The following STX19 variants were observed in gnomAD, a reference collection of about 807,000 sequenced individuals.
The protein encoded by STX19 is syntaxin-19.
Under a neutral mutation model 24.3 loss-of-function variants are expected in STX19, and 26 were observed. That is an observed-to-expected ratio of 1.07 (90% CI 0.78 to 1.48). The LOEUF (loss-of-function observed/expected upper bound fraction) is 1.48. Among genes scored for constraint, STX19 ranks in the 40% most tolerant of loss-of-function variants. The probability of loss-of-function intolerance (pLI) is 0.00; values close to 1 mark genes in which losing one functional copy is unlikely to be tolerated. For synonymous variants in STX19, 116 were observed against 106.9 expected (o/e 1.09, Z -0.52); for missense variants, 367 against 331.9 (o/e 1.11, Z -0.82).
chr3:94,015,177 T>G lies in STX19; in HGVS notation c.93A>C (p.Gln31His). The G allele has an allele frequency of 6.2e-7, 1 of 1,613,840 alleles. No individual in the cohort carries two copies. The highest frequency in any genetic ancestry group is 8.5e-7 in the Non-Finnish European group (1 of 1,179,884). Residue 31 changes from glutamine to histidine, a missense_variant, in exon 2 of 2, where the codon CAA becomes CAC. Coordinates refer to ENST00000315099, the MANE Select transcript of STX19 (RefSeq NM_001001850.3). ...SHVSTTETEE[Q>H]GVFLQQAVIY... ...TAACAGCTTGCTGTAGAAACACCCC[T>G]TGTTCCTCTGTTTCTGTAGTTGATA...
At position 94,014,626 on chromosome 3, in the gene STX19, C is replaced by T; in HGVS notation, c.644G>A (p.Arg215Lys). Residue 215 changes from arginine (R) to lysine (K), a missense_variant, in exon 2 of 2, where the codon AGA becomes AAA. Coordinates refer to ENST00000315099, the MANE Select transcript of STX19 (RefSeq NM_001001850.3). ...TKAQLSEIEQ[R>K]HKELVNLENQ... ...CTCCAAATTAACAAGTTCCTTGTGT[C>T]TCTGTTCAATCTCTGAAAGTTGTGC... 1 of 1,613,488 alleles carries T rather than the reference C, an allele frequency of 6.2e-7. No homozygotes were observed. Among genetic ancestry groups the T allele is most frequent in the Non-Finnish European group, 8.5e-7 (1 of 1,179,932 alleles).
rs199753624 is a variant in STX19 at position 94,014,846 on chromosome 3, G to A, written c.424C>T (p.Arg142Cys). The A allele has an allele frequency of 1.2e-4, 201 of 1,613,880 alleles. No homozygotes were observed. The highest frequency in any genetic ancestry group is 4.5e-5 in the Non-Finnish European group (53 of 1,179,972). Reference protein sequence around the residue: ...ILKSQHAAMFRHFQQIMFIYN... With the variant: ...ILKSQHAAMFCHFQQIMFIYN... ...ATAAACATGATTTGCTGAAAATGGC[G>A]GAACATTGCAGCATGCTGAGATTTA... is the stretch of plus-strand genomic sequence containing the variant. The change falls in exon 2 of 2, where the codon CGC becomes TGC. Residue 142 changes from arginine to cysteine, a missense_variant. Transcript: ENST00000315099.
chr3:94,018,805 C>T (rs1318835239), intron 1 of STX19, among the ~76,000 whole-genome samples: 1 of 152,060 alleles, frequency 6.6e-6, no homozygotes, highest in Non-Finnish European at 1.5e-5. Flanking sequence ...TCACTCTGTC[C>T]CCTAGGCCGG....
At chr3:94,024,698 C>G (rs2107030505) in intron 1 of STX19, among the ~76,000 whole-genome samples, 1 of 152,184 alleles carries the variant, frequency 6.6e-6, no homozygotes, top group South Asian at 2.1e-4. Context: ...TGATCCTTCT[C>G]CCTCAGCCTC....
In STX19 at chr3:94,014,387, A is replaced by G; in HGVS notation, c.883T>C (p.Ter295GlnextTer?). The stretch of plus-strand genomic sequence containing the variant: ...GAAAAAGTTTTAAAATAGCTTCTTT[A>G]TTTTGAGCTACAGCATGGACAGCAC... ...CWCCPCCSSK* is the reference protein window; with the variant it reads ...CWCCPCCSSKQ Residue 295 changes from the stop codon to glutamine, a stop_lost, in exon 2 of 2, where the codon TAA (stop) becomes CAA (glutamine). Transcript: ENST00000315099. 8 of 1,518,908 alleles carry G rather than the reference A, an allele frequency of 5.3e-6. No individual in the cohort carries two copies. Among genetic ancestry groups the G allele is most frequent in the Non-Finnish European group, 7.0e-6 (8 of 1,141,134 alleles). 94.1% of individuals were successfully genotyped at this position (1,518,908 alleles called of 1,614,324 possible).
intron 1 of STX19, among the ~76,000 whole-genome samples, chr3:94,024,620 C>G (rs2076517944): frequency 6.6e-6 from 1 of 152,154 alleles, no homozygotes. Context: ...GGATCTCACT[C>G]TATCACCCAG....
intron 1 of STX19, among the ~76,000 whole-genome samples, chr3:94,023,473 T>C (rs944635715): frequency 6.6e-6 from 1 of 152,158 alleles, no homozygotes; most frequent in African/African-American, 2.4e-5. Context: ...TAGAAACTCA[T>C]GTATTTACGG....
intron 1 of STX19, among the ~76,000 whole-genome samples, chr3:94,016,891 C>T (rs1180811148): frequency 6.6e-6 from 1 of 152,142 alleles, no homozygotes; most frequent in Non-Finnish European, 1.5e-5. Flanking sequence ...GTGATCCGCC[C>T]ACCTTGGCCT....
At chr3:94,024,402 A>G (rs1231284161) in intron 1 of STX19, among the ~76,000 whole-genome samples, 1 of 152,248 alleles carries the variant, frequency 6.6e-6, no homozygotes, top group African/African-American at 2.4e-5. Flanking sequence ...TTTTCTATCC[A>G]TAAAAATTAA....
At chr3:94,015,324 G>A (rs1051128082) in intron 1 of STX19, 42 bp from the exon 2 acceptor site, 3 of 1,452,724 alleles carry the variant, frequency 2.1e-6, no homozygotes, top group Middle Eastern at 1.8e-4. Flanking sequence ...TAGAAATTTG[G>A]TATTTTTCCC....
At chr3:94,015,535 A>G (rs1182409061) in intron 1 of STX19, among the ~76,000 whole-genome samples, 2 of 152,206 alleles carry the variant, frequency 1.3e-5, no homozygotes, top group Non-Finnish European at 2.9e-5. Flanking sequence ...GAAAGCAGTG[A>G]TGCAGACACA....
At chr3:94,027,049 ATACT>A (rs2076572387) in intron 1 of STX19, among the ~76,000 whole-genome samples, 1 of 152,134 alleles carries the variant, frequency 6.6e-6, no homozygotes, top group South Asian at 2.1e-4. Context: ...CCTGGGATAG[ATACT>A]TAGTGTATTT....
chr3:94,021,928 C>G (rs2076456709), intron 1 of STX19, among the ~76,000 whole-genome samples: 2 of 151,910 alleles, frequency 1.3e-5, no homozygotes, highest in South Asian at 4.2e-4. Flanking sequence ...CACAGGTTAA[C>G]AAGTCAAGTC....
chr3:94,014,661 A>G lies in STX19; in HGVS notation c.609T>C (p.Asn203=), dbSNP rs1359931361. Residue 203 remains asparagine (N), a synonymous_variant, in exon 2 of 2, where the codon AAT becomes AAC. Coordinates refer to ENST00000315099, the MANE Select transcript of STX19 (RefSeq NM_001001850.3). The stretch of plus-strand genomic sequence containing the variant: ...TCTCTGAAAGTTGTGCTTTAGTGAT[A>G]TTGATTTCTGTAAGTAAGCTTTCAT... The part of the protein sequence containing the change: ...VFNESLLTEI[N]ITKAQLSEIE... The G allele has an allele frequency of 2.5e-6, 4 of 1,613,618 alleles. No homozygotes were observed. In the East Asian group the frequency reaches 8.9e-5, roughly 36 times the overall value.
chr3:94,027,455 G>A (rs1053008381), intron 1 of STX19, among the ~76,000 whole-genome samples: 9 of 151,874 alleles, frequency 5.9e-5, no homozygotes, highest in African/African-American at 1.9e-4. Flanking sequence ...GTTTAAATAT[G>A]ATGTATAATT....
intron 1 of STX19, among the ~76,000 whole-genome samples, 168 bp downstream of exon 1, chr3:94,028,199 A>T (rs1167633052): frequency 6.6e-6 from 1 of 152,156 alleles, no homozygotes; most frequent in Non-Finnish European, 1.5e-5. Context: ...CCCAGTCAGC[A>T]TGTCAGTAAT....
intron 1 of STX19, among the ~76,000 whole-genome samples, chr3:94,015,845 C>T (rs537945527): frequency 7.4e-4 from 113 of 152,206 alleles, no homozygotes; most frequent in African/African-American, 2.7e-3. Context: ...TATTACTTGG[C>T]ATAATGTTTT....
In STX19 at chr3:94,014,909, CCT is replaced by C; in HGVS notation, c.359_360del (p.Glu120GlyfsTer2). The C allele has an allele frequency of 6.2e-7, 1 of 1,613,386 alleles. No homozygotes were observed. The highest frequency in any genetic ancestry group is 8.5e-7 in the Non-Finnish European group (1 of 1,179,816). The part of the protein sequence containing the change: ...NDLVKEVKKS[E>X]VENGPSSVVT... The stretch of plus-strand genomic sequence containing the variant: ...ACCACTGAAGATGGACCATTTTCAA[CCT>C]CTGACTTTTTAACTTCTTTAACTAA... On this transcript the variant is annotated frameshift_variant, in exon 2 of 2. Coordinates refer to ENST00000315099, the MANE Select transcript of STX19 (RefSeq NM_001001850.3). LOFTEE classifies it high-confidence loss of function.
rs1194651744 is a variant in STX19 at position 94,028,404 on chromosome 3, G to T, written c.-51C>A. The T allele has an allele frequency of 6.6e-6, 1 of 152,128 alleles. No individual in the cohort carries two copies. The highest frequency in any genetic ancestry group is 1.5e-5 in the Non-Finnish European group (1 of 68,016). The allele number at this position is 152,128 out of a possible 1,614,324, so 9.4% of individuals were successfully genotyped here. ...TTCCTTTTGTTGGTTTTCCACCTGC[G>T]GTGTTGGAGTCCTGCCTTTGAGAGA... On this transcript the variant is annotated 5_prime_UTR_variant, in exon 1 of 2. Coordinates refer to ENST00000315099, the MANE Select transcript of STX19 (RefSeq NM_001001850.3).
Sources: gnomAD v4.1 joint callset for allele counts (sites outside exome capture counted in the v4.1 genomes callset) on GRCh38, gnomAD v4.1.1 for gene constraint, MANE v1.5 for transcripts, NCBI Gene and HGNC (gene_info 2026-07-23, HGNC 2026-07-21) for gene names.